The following PLCXD3 variants were observed in gnomAD, a reference collection of about 807,000 sequenced individuals.
PLCXD3 encodes the protein PI-PLC X domain-containing protein 3.
In PLCXD3, 19 loss-of-function variants were observed where a neutral mutation model predicts 25.5. That is an observed-to-expected ratio of 0.75 (90% CI 0.52 to 1.09). The LOEUF is 1.09. PLCXD3 is among the 50% of genes least tolerant of loss of function. The probability of loss-of-function intolerance (pLI) is 0.00; values close to 1 mark genes in which losing one functional copy is unlikely to be tolerated. For missense variants in PLCXD3, 411 were observed against 388.1 expected (o/e 1.06, Z -0.50); for synonymous variants, 174 against 137.6 (o/e 1.26, Z -1.85).
At chr5:41,435,988 C>T (rs1314801957) in intron 1 of PLCXD3, among the ~76,000 whole-genome samples, 1 of 152,148 alleles carries the variant, frequency 6.6e-6, no homozygotes, top group Non-Finnish European at 1.5e-5. Context: ...TACCACTCAA[C>T]CCTAACACAT....
intron 1 of PLCXD3, among the ~76,000 whole-genome samples, chr5:41,433,043 C>A (rs1443962247): frequency 6.6e-6 from 1 of 152,192 alleles, no homozygotes; most frequent in Non-Finnish European, 1.5e-5. Context: ...ATGCTGCACA[C>A]CTGGAGCTCT....
At chr5:41,368,826 A>G (rs1431617968) in intron 2 of PLCXD3, among the ~76,000 whole-genome samples, 4 of 152,162 alleles carry the variant, frequency 2.6e-5, no homozygotes, top group Non-Finnish European at 5.9e-5. Context: ...TCTTTTTCAC[A>G]TAAACATTTT....
chr5:41,368,151 A>T (rs1302164987), intron 2 of PLCXD3, among the ~76,000 whole-genome samples: 1 of 152,084 alleles, frequency 6.6e-6, no homozygotes, highest in Non-Finnish European at 1.5e-5. Context: ...AGTGGTTTTT[A>T]GTTCTCCTTG....
At chr5:41,417,106 C>A (rs984621158) in intron 1 of PLCXD3, among the ~76,000 whole-genome samples, 3 of 152,150 alleles carry the variant, frequency 2.0e-5, no homozygotes, top group Non-Finnish European at 4.4e-5. Context: ...ATATCCCTTG[C>A]TGAGCTATTA....
At chr5:41,465,353 CTTTTTTTTTTTTTTTTTT>C (rs58098437) in intron 1 of PLCXD3, among the ~76,000 whole-genome samples, 2 of 13,228 alleles carry the variant, frequency 1.5e-4, no homozygotes, top group Non-Finnish European at 2.7e-4. Flanking sequence ...TAGTTCTTGT[CTTTTTTTTTTTTTTTTTT>C]TTTTTTTTTT....
rs559530958 is a variant in PLCXD3, at chr5:41,309,755, T to G, written c.*3862A>C. On this transcript the variant is annotated 3_prime_UTR_variant, in exon 3 of 3. Transcript: ENST00000377801. The stretch of plus-strand genomic sequence containing the variant: ...AATTTATATTCTAGTCCATTATGGA[T>G]TCTCTAATTTGAAGTGAAATTGAGA... The G allele has an allele frequency of 6.6e-6, 1 of 152,178 alleles. No individual in the cohort carries two copies. The highest frequency in any genetic ancestry group is 2.1e-4 in the South Asian group (1 of 4,834). The allele number at this position is 152,178 out of a possible 1,614,324, so 9.4% of individuals were successfully genotyped here. A position where few individuals can be genotyped will look rare whatever the true frequency, so the allele number is the denominator to read the frequency against.
intron 2 of PLCXD3, among the ~76,000 whole-genome samples, chr5:41,343,381 A>T (rs922305384): frequency 1.3e-5 from 2 of 152,212 alleles, no homozygotes; most frequent in African/African-American, 4.8e-5. Context: ...TAAACAGAAA[A>T]AAAATCAATC....
At chr5:41,407,518 G>C (rs906369949) in intron 1 of PLCXD3, among the ~76,000 whole-genome samples, 12 of 152,176 alleles carry the variant, frequency 7.9e-5, no homozygotes, top group South Asian at 2.1e-4. Flanking sequence ...CCATTGAGCA[G>C]AAAGGATCAC....
rs115953996 is a variant in PLCXD3, at chr5:41,376,290, C to T, written c.812+5536G>A. Among the ~76,000 whole-genome samples, 1,234 of 152,144 alleles carry T rather than the reference C, an allele frequency of 8.1e-3. 20 individuals are homozygous for T. The highest frequency in any genetic ancestry group is 0.029 in the African/African-American group (1,192 of 41,498). On this transcript the variant is annotated intron_variant, in intron 2 of 2. Transcript: ENST00000377801. ...GTCAAACCATGTCAGCAATTTTTATCTCTTTCTTTCTAAACACTTGCTGGC... is the reference window on the plus strand; with the variant it reads ...GTCAAACCATGTCAGCAATTTTTATTTCTTTCTTTCTAAACACTTGCTGGC...
rs1739033967 is a variant in PLCXD3 at position 41,510,557 on chromosome 5, C to T, written c.-31G>A. 1.9e-6 allele frequency: 3 copies of T among 1,579,058 alleles called. No individual in the cohort carries two copies. Among genetic ancestry groups the T allele is most frequent in the East Asian group, 4.5e-5 (2 of 44,100 alleles). Reference sequence around the variant, plus strand: ...CAGTCGGCGTGCAGCGCGCTGGTCCCAGCACTCCTCGGGCAGGCTGGCAGG... The same window carrying T: ...CAGTCGGCGTGCAGCGCGCTGGTCCTAGCACTCCTCGGGCAGGCTGGCAGG... On this transcript the variant is annotated 5_prime_UTR_variant, in exon 1 of 3. Coordinates refer to ENST00000377801, the MANE Select transcript of PLCXD3 (RefSeq NM_001005473.3).
intron 2 of PLCXD3, among the ~76,000 whole-genome samples, chr5:41,372,880 C>CA (rs1745146691): frequency 2.6e-5 from 4 of 151,694 alleles, no homozygotes; most frequent in African/African-American, 9.7e-5. Flanking sequence ...TCCTTCTCTA[C>CA]AAAAAATACA....
intron 1 of PLCXD3, among the ~76,000 whole-genome samples, chr5:41,437,839 T>A (rs1355910445): frequency 6.6e-6 from 1 of 152,130 alleles, no homozygotes; most frequent in Non-Finnish European, 1.5e-5. Context: ...GAAATTGGAT[T>A]ATAAGGTGCA....
intron 1 of PLCXD3, among the ~76,000 whole-genome samples, chr5:41,487,374 A>G (rs1270298650): frequency 4.6e-5 from 7 of 152,186 alleles, no homozygotes; most frequent in African/African-American, 1.7e-4. Flanking sequence ...TTTCTCTTAG[A>G]TCAACAGAGC....
At chr5:41,432,075 CT>C (rs1297044497) in intron 1 of PLCXD3, among the ~76,000 whole-genome samples, 8 of 152,082 alleles carry the variant, frequency 5.3e-5, no homozygotes, top group Non-Finnish European at 1.0e-4. Flanking sequence ...ACAAGAGAGC[CT>C]TTTTCCAACT....
chr5:41,507,903 T>A (rs1326216794), intron 1 of PLCXD3, among the ~76,000 whole-genome samples: 2 of 152,250 alleles, frequency 1.3e-5, no homozygotes, highest in East Asian at 1.9e-4. Flanking sequence ...CTCCAATTAG[T>A]CTTCTCTGAC....
chr5:41,489,099 T>C (rs1300450158), intron 1 of PLCXD3, among the ~76,000 whole-genome samples: 2 of 152,216 alleles, frequency 1.3e-5, no homozygotes, highest in Admixed American at 6.5e-5. Flanking sequence ...CTTGAATTGA[T>C]TTTTGTATAA....
At chr5:41,498,095 T>C (rs1748879147) in intron 1 of PLCXD3, among the ~76,000 whole-genome samples, 1 of 151,198 alleles carries the variant, frequency 6.6e-6, no homozygotes, top group Non-Finnish European at 1.5e-5. Context: ...TTAAAAAAGA[T>C]AAAAACCTTA....
At chr5:41,330,767 C>T (rs1743777094) in intron 2 of PLCXD3, among the ~76,000 whole-genome samples, 2 of 152,070 alleles carry the variant, frequency 1.3e-5, no homozygotes, top group African/African-American at 4.8e-5. Context: ...GGGCTTCATC[C>T]CTGGGATGCA....
intron 1 of PLCXD3, among the ~76,000 whole-genome samples, chr5:41,387,355 C>T (rs1745671213): frequency 6.6e-6 from 1 of 152,078 alleles, no homozygotes. Context: ...TATCCATCGT[C>T]CTTATTTACA....
Sources: allele counts gnomAD v4.1 joint callset (sites outside exome capture counted in the v4.1 genomes callset), GRCh38; gene constraint gnomAD v4.1.1; transcripts MANE v1.5; gene names NCBI Gene and HGNC (gene_info 2026-07-23, HGNC 2026-07-21).